The following IRX2 variants were observed in gnomAD, a reference collection of about 807,000 sequenced individuals.
IRX2 encodes iroquois-class homeodomain protein IRX-2.
A neutral mutation model predicts 42.9 loss-of-function variants in IRX2; 26 were observed. The observed-to-expected ratio is 0.61, with a 90% confidence interval of 0.44 to 0.84. The LOEUF is 0.84. IRX2 is among the 40% of genes least tolerant of loss of function. The pLI, the probability that IRX2 is intolerant of heterozygous loss-of-function variation, is 0.00. For missense variants in IRX2, 782 were observed against 713.9 expected (o/e 1.10, Z -1.09); for synonymous variants, 424 against 353.9 (o/e 1.20, Z -2.22).
In IRX2 at chr5:2,751,241, G is replaced by A; in HGVS notation, c.173C>T (p.Ala58Val). The change falls in exon 1 of 4, where the codon GCG becomes GTG. Residue 58 changes from alanine (A) to valine (V), a missense_variant. By Grantham distance (64) the Ala-to-Val change is moderately conservative. Coordinates refer to ENST00000302057, the MANE Select transcript of IRX2 (RefSeq NM_033267.5). This position sits in a 1 kb window ranked among gnomAD's most constrained non-coding sequence, Gnocchi z 4.0. Reference protein sequence around the residue: ...YPGSAAFTAQAATGFGSPLQY... With the variant: ...YPGSAAFTAQVATGFGSPLQY... ...CAGCGGGCTCCCGAAGCCGGTGGCC[G>A]CCTGCGCCGTGAAGGCCGCCGAGCC... The A allele has an allele frequency of 2.2e-6, 3 of 1,390,520 alleles. No homozygotes were observed. The highest frequency in any genetic ancestry group is 2.9e-5 in the Admixed American group (1 of 34,964). 86.1% of individuals were successfully genotyped at this position (1,390,520 alleles called of 1,614,324 possible).
the IRX2 span, among the ~76,000 whole-genome samples, chr5:2,735,689 T>C: frequency 6.6e-6 from 1 of 152,198 alleles, no homozygotes; most frequent in South Asian, 2.1e-4. Context: ...CACATGCTAA[T>C]ATGTTTTATT....
At chr5:2,736,511 C>T in the IRX2 span, among the ~76,000 whole-genome samples, 1 of 152,144 alleles carries the variant, frequency 6.6e-6, no homozygotes, top group Non-Finnish European at 1.5e-5. Context: ...TTTGGAAAAT[C>T]ACAAATAATT....
At position 2,748,383 on chromosome 5, in the gene IRX2, T is replaced by A. The variant is rs1283944131; in HGVS notation, c.1325A>T (p.His442Leu). Reference sequence around the variant, plus strand: ...GTAGCCGCCGCCCGGGGACCGGTAGTGGGACTCGAGCGGGTGCGCGCCCGC... The same window carrying A: ...GTAGCCGCCGCCCGGGGACCGGTAGAGGGACTCGAGCGGGTGCGCGCCCGC... Reference protein sequence around the residue: ...GKAGAHPLESHYRSPGGGYEP... With the variant: ...GKAGAHPLESLYRSPGGGYEP... Residue 442 changes from histidine (H) to leucine (L), a missense_variant, in exon 3 of 4, where the codon CAC becomes CTC. By Grantham distance (99) the His-to-Leu change is moderately conservative. Coordinates refer to ENST00000302057, the MANE Select transcript of IRX2 (RefSeq NM_033267.5). 2 of 1,475,400 alleles carry A rather than the reference T, an allele frequency of 1.4e-6. No individual in the cohort carries two copies. The highest frequency in any genetic ancestry group is 2.5e-5 in the Admixed American group (1 of 40,096). The allele number at this position is 1,475,400 out of a possible 1,614,324, so 91.4% of individuals were successfully genotyped here. A position where few individuals can be genotyped will look rare whatever the true frequency, so the allele number is the denominator to read the frequency against.
chr5:2,738,503 C>A, the IRX2 span, among the ~76,000 whole-genome samples: 83 of 152,274 alleles, frequency 5.5e-4, no homozygotes, highest in African/African-American at 1.9e-3. Flanking sequence ...CCCTGTTCCC[C>A]GCTTGGGCCG....
rs367959533 is a variant in IRX2 at position 2,749,310 on chromosome 5, C to T, written c.655+72G>A. On this transcript the variant is annotated intron_variant, in intron 2 of 3. Coordinates refer to ENST00000302057, the MANE Select transcript of IRX2 (RefSeq NM_033267.5). ...TGGGGTGTCCGGCGGGCAACGTCCT[C>T]CCCGCCTTAGCTCTGCGCCCCGCCT... is the stretch of plus-strand genomic sequence containing the variant. The T allele has an allele frequency of 1.2e-3, 1,849 of 1,521,334 alleles. 2 individuals are homozygous for T. Among genetic ancestry groups the T allele is most frequent in the Middle Eastern group, 4.7e-3 (23 of 4,912 alleles). 94.2% of individuals were successfully genotyped at this position (1,521,334 alleles called of 1,614,324 possible).
At chr5:2,738,817 G>A in the IRX2 span, among the ~76,000 whole-genome samples, 1 of 152,178 alleles carries the variant, frequency 6.6e-6, no homozygotes, top group East Asian at 1.9e-4. Flanking sequence ...TGAACTACCC[G>A]CTCCCAGAGC....
Position 2,749,724 on chromosome 5 carries a change from T to G in IRX2, c.313A>C (p.Ser105Arg). 1 of 1,613,812 alleles carries G rather than the reference T, an allele frequency of 6.2e-7. No individual in the cohort carries two copies. The highest frequency in any genetic ancestry group is 8.5e-7 in the Non-Finnish European group (1 of 1,179,918). The change falls in exon 2 of 4, where the codon AGC becomes CGC. Residue 105 changes from serine (S) to arginine (R), a missense_variant. Ser to Arg is a moderately radical substitution (Grantham distance 110, BLOSUM62 -1). Around this residue, in one of 3 missense-constraint regions of IRX2, gnomAD observed 256 missense variants for 250.0 expected, o/e 1.02. Transcript: ENST00000302057. ...TTGAGCTGGTACGGGTAGGCCGCGC[T>G]GCCGTACGGGTGGTAGCTGATGGCG... Reference protein sequence around the residue: ...TGAISYHPYGSAAYPYQLNDP... With the variant: ...TGAISYHPYGRAAYPYQLNDP...
In IRX2 at chr5:2,751,058, G is replaced by C. The variant is rs1304566468; in HGVS notation, c.249+107C>G. 25 of 1,154,156 alleles carry C rather than the reference G, an allele frequency of 2.2e-5. No homozygotes were observed. Among genetic ancestry groups the C allele is most frequent in the Non-Finnish European group, 4.3e-6 (4 of 932,182 alleles). 71.5% of individuals were successfully genotyped at this position (1,154,156 alleles called of 1,614,324 possible). A position where few individuals can be genotyped will look rare whatever the true frequency, so the allele number is the denominator to read the frequency against. On this transcript the variant is annotated intron_variant, in intron 1 of 3. Transcript: ENST00000302057. The surrounding 1 kb of genome is among the most constrained non-coding windows in gnomAD (Gnocchi z 4.0). ...CGGCGACTCCTGAGTCGCCAGCCGC[G>C]CCACATTCCCGGCGGCCCCCGCCCG...
At chr5:2,745,318 G>A (rs1046598135), downstream of IRX2, among the ~76,000 whole-genome samples, 4 of 152,218 alleles carry the variant, frequency 2.6e-5, no homozygotes, top group Non-Finnish European at 4.4e-5. Flanking sequence ...TTTTATAACC[G>A]TAAGTTATAT....
In IRX2 at chr5:2,748,992, T is replaced by G. The variant is rs748152370; in HGVS notation, c.716A>C (p.Glu239Ala). ...DHSCSAESDG[E>A]KLPCRAGDPL... is the part of the protein sequence containing the mutation. The stretch of plus-strand genomic sequence containing the variant: ...GTCCCCGGCGCGGCACGGAAGCTTC[T>G]CCCCGTCCGACTCGGCCGAGCACGA... Residue 239 changes from glutamate to alanine, a missense_variant, in exon 3 of 4, where the codon GAG (glutamate) becomes GCG (alanine). Glu to Ala is a moderately radical substitution (Grantham distance 107). Coordinates refer to ENST00000302057, the MANE Select transcript of IRX2 (RefSeq NM_033267.5). The G allele has an allele frequency of 6.3e-7, 1 of 1,597,410 alleles. No homozygotes were observed. The highest frequency in any genetic ancestry group is 8.5e-7 in the Non-Finnish European group (1 of 1,179,470).
chr5:2,749,954 G>C (rs1228719207), intron 1 of IRX2, among the ~76,000 whole-genome samples, 167 bp from the exon 2 acceptor site: 1 of 152,224 alleles, frequency 6.6e-6, no homozygotes, highest in Non-Finnish European at 1.5e-5. Flanking sequence ...TGTGATTCGG[G>C]ACCAGCTGTT....
At chr5:2,749,890 T>G (rs1475189760) in intron 1 of IRX2, 103 bp from the exon 2 acceptor site, 3 of 1,235,126 alleles carry the variant, frequency 2.4e-6, no homozygotes. Flanking sequence ...GTTCCCCCCG[T>G]GAGTCTGGCT....
chr5:2,740,353 C>T, the IRX2 span, among the ~76,000 whole-genome samples: 2 of 152,004 alleles, frequency 1.3e-5, no homozygotes, highest in African/African-American at 2.4e-5. Context: ...GCCGGCTCAC[C>T]CCCTCTCCTG....
the IRX2 span, among the ~76,000 whole-genome samples, chr5:2,738,518 G>T: frequency 4.0e-5 from 6 of 151,826 alleles, no homozygotes; most frequent in East Asian, 9.7e-4. Context: ...GGGCCGAGTT[G>T]TCCTCCCGGC....
At chr5:2,744,084 G>C (rs1363158166), downstream of IRX2, among the ~76,000 whole-genome samples, 1 of 146,662 alleles carries the variant, frequency 6.8e-6, no homozygotes, top group Non-Finnish European at 1.5e-5. Flanking sequence ...GTGTGTGTGT[G>C]TGTGTGTGTG....
intron 3 of IRX2, among the ~76,000 whole-genome samples, 182 bp from the exon 4 acceptor site, chr5:2,747,798 A>C (rs1737728174): frequency 6.6e-6 from 1 of 151,770 alleles, no homozygotes; most frequent in African/African-American, 2.4e-5. Context: ...CCCCCCTTGA[A>C]CTCCTCTTTC....
chr5:2,749,131 G>A lies in IRX2; in HGVS notation c.656-79C>T. 3 of 1,533,530 alleles carry A rather than the reference G, an allele frequency of 2.0e-6. No homozygotes were observed. The Admixed American group carries it at 6.1e-5, about 31-fold the overall frequency. The allele number at this position is 1,533,530 out of a possible 1,614,324, so 95.0% of individuals were successfully genotyped here. ...AGCCCCCTCCGCCCCCTGTCCTGCG[G>A]CACTGGGCCCTCCCCACGGGACCCC... On this transcript the variant is annotated intron_variant, in intron 2 of 3. Transcript: ENST00000302057.
rs1289576523 is a variant in IRX2 at position 2,748,970 on chromosome 5, C to T, written c.738G>A (p.Gly246=). The change falls in exon 3 of 4, where the codon GGG becomes GGA. Residue 246 remains glycine (G), a synonymous_variant. Transcript: ENST00000302057. Reference sequence around the variant, plus strand: ...CCGAGCCCGATTCGCACAGGGGGTCCCCGGCGCGGCACGGAAGCTTCTCCC... The same window carrying T: ...CCGAGCCCGATTCGCACAGGGGGTCTCCGGCGCGGCACGGAAGCTTCTCCC... The part of the protein sequence containing the change: ...SDGEKLPCRA[G]DPLCESGSEC... 5.0e-6 allele frequency: 8 copies of T among 1,597,136 alleles called. No homozygotes were observed. The East Asian group carries it at 1.8e-4, about 36-fold the overall frequency.
Position 2,751,317 on chromosome 5 carries a change from T to G in IRX2, c.97A>C (p.Ser33Arg). ...YGASALAAPR[S>R]EELARSASGS... is the part of the protein sequence containing the mutation. ...GACGCCGAGCGCGCCAGCTCCTCGC[T>G]GCGCGGAGCCGCCAAAGCCGACGCG... The change falls in exon 1 of 4, where the codon AGC becomes CGC. Residue 33 changes from serine to arginine, a missense_variant. Around this residue, in one of 3 missense-constraint regions of IRX2, gnomAD observed 256 missense variants for 250.0 expected, o/e 1.02. Transcript: ENST00000302057. The surrounding 1 kb of genome is among the most constrained non-coding windows in gnomAD (Gnocchi z 4.0). The G allele has an allele frequency of 7.0e-7, 1 of 1,437,422 alleles. No individual in the cohort carries two copies. The highest frequency in any genetic ancestry group is 9.1e-7 in the Non-Finnish European group (1 of 1,095,892). 89.0% of individuals were successfully genotyped at this position (1,437,422 alleles called of 1,614,324 possible).
Sources: allele counts gnomAD v4.1 joint callset (sites outside exome capture counted in the v4.1 genomes callset), GRCh38; gene constraint gnomAD v4.1.1; regional missense constraint gnomAD v4.1.1; non-coding constraint Gnocchi (gnomAD v3.1); transcripts MANE v1.5; gene names NCBI Gene and HGNC (gene_info 2026-07-23, HGNC 2026-07-21).